USP15: variants seen among roughly 807,000 people sequenced by gnomAD.
The protein encoded by USP15 is ubiquitin specific peptidase 15, also known as ubiquitin carboxyl-terminal hydrolase 15.
USP15 carries 18 observed loss-of-function variants against 127.1 expected under a neutral mutation model. The ratio of observed to expected loss-of-function variants is 0.14; its 90% CI spans 0.10 to 0.21. The LOEUF is 0.21. Among genes scored for constraint, USP15 ranks in the 10% least tolerant of loss-of-function variants. USP15 has a pLI of 1.00. For missense variants in USP15, 805 were observed against 1,159.9 expected (o/e 0.69, Z 4.44); for synonymous variants, 364 against 393.7 (o/e 0.92, Z 0.89).
At chr12:62,396,435 T>A (rs1204536978) in intron 20 of USP15, 37 bp downstream of exon 20, 2 of 1,565,968 alleles carry the variant, frequency 1.3e-6, no homozygotes, top group African/African-American at 1.3e-5. Flanking sequence ...CAAATCATGG[T>A]GTTTGAAGAA....
intron 8 of USP15, among the ~76,000 whole-genome samples, chr12:62,369,827 T>G (rs1226258618): frequency 1.3e-5 from 2 of 152,224 alleles, no homozygotes; most frequent in Admixed American, 1.3e-4. Context: ...AATAGTAGAA[T>G]GAAACATACA....
Position 62,404,330 on chromosome 12 carries a change from T to C in USP15, c.2901T>C (p.Asp967=). The C allele has an allele frequency of 6.2e-7, 1 of 1,612,722 alleles. No homozygotes were observed. The highest frequency in any genetic ancestry group is 8.5e-7 in the Non-Finnish European group (1 of 1,179,102). ...TAGAAAGTGATGAAGATAGCAATGATAATGACAATGATATAGAAAATGAAA... is the reference window on the plus strand; with the variant it reads ...TAGAAAGTGATGAAGATAGCAATGACAATGACAATGATATAGAAAATGAAA... The part of the protein sequence containing the change: ...IPLESDEDSN[D]NDNDIENENC... The change falls in exon 22 of 22, where the codon GAT becomes GAC. Residue 967 remains aspartate, a synonymous_variant. Coordinates refer to ENST00000280377, the MANE Select transcript of USP15 (RefSeq NM_001252078.2).
intron 6 of USP15, among the ~76,000 whole-genome samples, chr12:62,334,507 A>G (rs1474425679): frequency 6.6e-6 from 1 of 152,208 alleles, no homozygotes; most frequent in Non-Finnish European, 1.5e-5. Context: ...CCTGGCATAT[A>G]GGAAGCATAC....
chr12:62,408,355 T>G lies in USP15; in HGVS notation c.*3980T>G, dbSNP rs367752993. ...CCTATGTAGTATGTTTCTGATCTTC[T>G]GTGCTTGTGCAGTGTAGATGAGCTC... On this transcript the variant is annotated 3_prime_UTR_variant, in exon 22 of 22. Transcript: ENST00000280377. The G allele has an allele frequency of 2.6e-5, 4 of 152,162 alleles. No homozygotes were observed. The South Asian group carries it at 6.2e-4, about 24-fold the overall frequency. 9.4% of individuals were successfully genotyped at this position (152,162 alleles called of 1,614,324 possible).
At chr12:62,272,095 A>G (rs1451416077) in intron 1 of USP15, among the ~76,000 whole-genome samples, 2 of 151,808 alleles carry the variant, frequency 1.3e-5, no homozygotes, top group Non-Finnish European at 3.0e-5. Flanking sequence ...ATAATTTAAA[A>G]TACTAGATGC....
intron 8 of USP15, among the ~76,000 whole-genome samples, chr12:62,357,647 T>C (rs1241848981): frequency 1.3e-5 from 2 of 152,136 alleles, no homozygotes; most frequent in Non-Finnish European, 1.5e-5. Flanking sequence ...GGAAACTATA[T>C]TGTCTCTAAA....
chr12:62,298,326 A>G (rs1364311172), intron 2 of USP15, among the ~76,000 whole-genome samples: 3 of 151,988 alleles, frequency 2.0e-5, no homozygotes, highest in Non-Finnish European at 4.4e-5. Flanking sequence ...GGAGTTCGAG[A>G]TCAGCTTGGG....
At chr12:62,348,045 A>C (rs2065869722) in intron 6 of USP15, among the ~76,000 whole-genome samples, 1 of 151,994 alleles carries the variant, frequency 6.6e-6, no homozygotes, top group Non-Finnish European at 1.5e-5. Context: ...TCTGCAAAAA[A>C]AATTTGTTTT....
intron 1 of USP15, among the ~76,000 whole-genome samples, chr12:62,282,270 G>A (rs2063673467): frequency 6.6e-6 from 1 of 152,110 alleles, no homozygotes; most frequent in Non-Finnish European, 1.5e-5. Context: ...TGAGACTACA[G>A]TGAGCTGTGA....
At chr12:62,285,294 C>T (rs867190211) in intron 1 of USP15, among the ~76,000 whole-genome samples, 3 of 152,102 alleles carry the variant, frequency 2.0e-5, no homozygotes, top group Admixed American at 2.0e-4. Context: ...TATTCACGCT[C>T]TATGTGTATA....
At chr12:62,309,256 CAG>C (rs1355493573) in intron 3 of USP15, among the ~76,000 whole-genome samples, 1 of 152,056 alleles carries the variant, frequency 6.6e-6, no homozygotes, top group African/African-American at 2.4e-5. Context: ...AACATCATAG[CAG>C]AGTCTAAAGA....
At chr12:62,343,710 C>T (rs907297193) in intron 6 of USP15, among the ~76,000 whole-genome samples, 3 of 152,198 alleles carry the variant, frequency 2.0e-5, no homozygotes, top group South Asian at 2.1e-4. Context: ...CTTCTGCTCA[C>T]TCTCTGTGGG....
In USP15 at chr12:62,336,193, T is replaced by TC. The variant is rs1019678338; in HGVS notation, c.683+10265dup. On this transcript the variant is annotated intron_variant, in intron 6 of 21. Coordinates refer to ENST00000280377, the MANE Select transcript of USP15 (RefSeq NM_001252078.2). ...ATTAGGTGATTCTATGCTAATCCTC[T>TC]CCCCCAGCTCAAACTGACACAAAAT... 2.5e-5 allele frequency: 25 copies of TC among 985,216 alleles called. No homozygotes were observed. In the African/African-American group the frequency reaches 3.8e-4, roughly 15 times the overall value. The allele number at this position is 985,216 out of a possible 1,614,324, so 61.0% of individuals were successfully genotyped here.
At chr12:62,355,734 AAACTT>A (rs1273431807) in intron 8 of USP15, among the ~76,000 whole-genome samples, 2 of 151,708 alleles carry the variant, frequency 1.3e-5, no homozygotes, top group Non-Finnish European at 3.0e-5. Flanking sequence ...ATCAGACAGA[AAACTT>A]AAGCTGTCTA....
chr12:62,349,167 A>G (rs934679396), intron 6 of USP15, 54 bp from the exon 7 acceptor site: 1 of 1,071,504 alleles, frequency 9.3e-7, no homozygotes, highest in Non-Finnish European at 1.3e-6. Flanking sequence ...TTTCATAATT[A>G]ATTTAAAAAT....
At chr12:62,261,851 C>CTA (rs903426830) in intron 1 of USP15, among the ~76,000 whole-genome samples, 3 of 151,986 alleles carry the variant, frequency 2.0e-5, no homozygotes, top group African/African-American at 7.3e-5. Context: ...TTTTGGTAGG[C>CTA]TATATACTAT....
chr12:62,296,403 T>C (rs1179903487), intron 2 of USP15, among the ~76,000 whole-genome samples: 1 of 152,202 alleles, frequency 6.6e-6, no homozygotes, highest in East Asian at 1.9e-4. Flanking sequence ...TAATAACACA[T>C]GCTAACACTG....
rs1308556322 is a variant in USP15, at chr12:62,393,055, A to G, written c.2423A>G (p.Tyr808Cys). 1 of 1,613,404 alleles carries G rather than the reference A, an allele frequency of 6.2e-7. No homozygotes were observed. The highest frequency in any genetic ancestry group is 8.5e-7 in the Non-Finnish European group (1 of 1,179,752). ...KEKLGAEDPW[Y>C]CPNCKEHQQA... ...TAAATACTTCTGTTTATTCTTAGGTATTGTCCGAATTGTAAAGAACATCAG... is the reference window on the plus strand; with the variant it reads ...TAAATACTTCTGTTTATTCTTAGGTGTTGTCCGAATTGTAAAGAACATCAG... Residue 808 changes from tyrosine (Y) to cysteine (C), a missense_variant and splice_region_variant, in exon 19 of 22, where the codon TAT becomes TGT. By Grantham distance (194) the Tyr-to-Cys change is radical (BLOSUM62 -2). This residue lies in a region of USP15 where 24 missense variants were observed against 71.5 expected (regional missense o/e 0.34). Coordinates refer to ENST00000280377, the MANE Select transcript of USP15 (RefSeq NM_001252078.2).
rs1333019013 is a variant in USP15 at position 62,392,208 on chromosome 12, A to G, written c.2305-64A>G. On this transcript the variant is annotated intron_variant, in intron 17 of 21. Transcript: ENST00000280377. Reference sequence around the variant, plus strand: ...AGTTTTCATTATTATTCATAGTAAGATGGTATCACTAAAATGAGTTTTGTT... The same window carrying G: ...AGTTTTCATTATTATTCATAGTAAGGTGGTATCACTAAAATGAGTTTTGTT... The G allele has an allele frequency of 5.8e-6, 6 of 1,027,564 alleles. No individual in the cohort carries two copies. In the African/African-American group the frequency reaches 6.5e-5, roughly 11 times the overall value. 63.7% of individuals were successfully genotyped at this position (1,027,564 alleles called of 1,614,324 possible). A position where few individuals can be genotyped will look rare whatever the true frequency, so the allele number is the denominator to read the frequency against.
Sources: gnomAD v4.1 joint callset for allele counts (sites outside exome capture counted in the v4.1 genomes callset) on GRCh38, gnomAD v4.1.1 for gene constraint, gnomAD v4.1.1 regional missense constraint, MANE v1.5 for transcripts, NCBI Gene and HGNC (gene_info 2026-07-23, HGNC 2026-07-21) for gene names.